PARP12: variants seen among roughly 807,000 people sequenced by gnomAD.
The protein encoded by PARP12 is protein mono-ADP-ribosyltransferase PARP12.
A neutral mutation model predicts 72.4 loss-of-function variants in PARP12; 59 were observed. That is an observed-to-expected ratio of 0.81 (90% CI 0.66 to 1.01). The LOEUF is 1.01. Ranked by LOEUF, PARP12 falls within the 50% of genes least tolerant of loss-of-function variation. PARP12 has a pLI of 0.00. For synonymous variants in PARP12, 403 were observed against 371.4 expected (o/e 1.09, Z -0.98); for missense variants, 851 against 914.0 (o/e 0.93, Z 0.89).
intron 8 of PARP12, among the ~76,000 whole-genome samples, chr7:140,032,305 G>A (rs927231591): frequency 4.0e-5 from 6 of 151,592 alleles, no homozygotes; most frequent in African/African-American, 1.5e-4. Flanking sequence ...TACTTCCTAC[G>A]ACTCTGACCT....
chr7:140,051,849 G>T (rs1816975002), intron 4 of PARP12, among the ~76,000 whole-genome samples: 1 of 152,210 alleles, frequency 6.6e-6, no homozygotes, highest in Non-Finnish European at 1.5e-5. Context: ...AGGACCCTCT[G>T]GTGAAGCTTT....
intron 6 of PARP12, among the ~76,000 whole-genome samples, chr7:140,038,752 C>G (rs994563697): frequency 1.3e-5 from 2 of 152,232 alleles, no homozygotes; most frequent in African/African-American, 4.8e-5. Flanking sequence ...GCTCCCCCTA[C>G]TGCTACCATC....
rs777117049 is a variant in PARP12, at chr7:140,037,817, C to T, written c.1222G>A (p.Val408Met). 55 of 1,613,736 alleles carry T rather than the reference C, an allele frequency of 3.4e-5. No individual in the cohort carries two copies. Among genetic ancestry groups the T allele is most frequent in the Non-Finnish European group, 4.2e-5 (50 of 1,179,704 alleles). ...HPVTTVSSSDVEKAYLAYCTP... is the reference protein window; with the variant it reads ...HPVTTVSSSDMEKAYLAYCTP... The stretch of plus-strand genomic sequence containing the variant: ...CAGTAGGCCAGGTAGGCCTTCTCCA[C>T]GTCGCTACTGCTGACAGTGGTCACA... Residue 408 changes from valine to methionine, a missense_variant, in exon 7 of 12, where the codon GTG (valine) becomes ATG (methionine). Transcript: ENST00000263549.
At chr7:140,042,425 C>T (rs1429930080) in intron 5 of PARP12, among the ~76,000 whole-genome samples, 1 of 152,200 alleles carries the variant, frequency 6.6e-6, no homozygotes, top group Non-Finnish European at 1.5e-5. Context: ...TTTCTAAACG[C>T]AGTACTGCCT....
chr7:140,028,511 C>T, intron 9 of PARP12, 102 bp downstream of exon 9: 1 of 1,062,906 alleles, frequency 9.4e-7, no homozygotes, highest in Admixed American at 3.2e-5. Context: ...TTAGCCCCAG[C>T]CTTACAGCTT....
chr7:140,025,323 C>T (rs1306300186), intron 11 of PARP12: 3 of 287,916 alleles, frequency 1.0e-5, no homozygotes. Context: ...GAATTATGAG[C>T]CTTGTCAAAT....
At position 140,054,746 on chromosome 7, in the gene PARP12, C is replaced by A. The variant is rs751103871; in HGVS notation, c.778G>T (p.Gly260Cys). ...QGTSERKDSS[G>C]SVSPNTLSQE... The stretch of plus-strand genomic sequence containing the variant: ...CTAAGAGTGTTTGGGGACACAGAAC[C>A]TGAACTGTCTTTTCTTTCTGCAAAG... The change falls in exon 4 of 12, where the codon GGT becomes TGT. Residue 260 changes from glycine to cysteine, a missense_variant. By Grantham distance (159) the Gly-to-Cys change is radical (BLOSUM62 -3). Transcript: ENST00000263549. The A allele has an allele frequency of 2.5e-6, 4 of 1,613,486 alleles. No homozygotes were observed. In the Admixed American group the frequency reaches 5.0e-5, roughly 20 times the overall value.
chr7:140,026,196 C>A lies in PARP12; in HGVS notation c.1780+1G>T, dbSNP rs769970292. The A allele has an allele frequency of 1.9e-6, 3 of 1,614,058 alleles. No individual in the cohort carries two copies. The highest frequency in any genetic ancestry group is 2.5e-6 in the Non-Finnish European group (3 of 1,180,048). ...GCTGGTGGAGGCCAGTCATGCCTTA[C>A]CCTTGCCGTAGGAAGTGCCATGAAC... is the stretch of plus-strand genomic sequence containing the variant. On this transcript the variant is annotated splice_donor_variant, in intron 11 of 11. Coordinates refer to ENST00000263549, the MANE Select transcript of PARP12 (RefSeq NM_022750.4). LOFTEE classifies it high-confidence loss of function.
rs1298823442 is a variant in PARP12, at chr7:140,062,603, T to C, written c.245A>G (p.Lys82Arg). 1 of 1,520,486 alleles carries C rather than the reference T, an allele frequency of 6.6e-7. No homozygotes were observed. Among genetic ancestry groups the C allele is most frequent in the Non-Finnish European group, 8.8e-7 (1 of 1,138,474 alleles). The allele number at this position is 1,520,486 out of a possible 1,614,324, so 94.2% of individuals were successfully genotyped here. A position where few individuals can be genotyped will look rare whatever the true frequency, so the allele number is the denominator to read the frequency against. The change falls in exon 1 of 12, where the codon AAG becomes AGG. Residue 82 changes from lysine to arginine, a missense_variant. By Grantham distance (26) the Lys-to-Arg change is conservative. This residue lies in a region of PARP12 where 492 missense variants were observed against 489.3 expected (regional missense o/e 1.01). Transcript: ENST00000263549. ...LRLCRAHQGS[K>R]PGCVGLCAQL... ...CGCGCAGAGCCCCACGCAGCCCGGC[T>C]TGGAGCCCTGGTGCGCGCGACACAG... is the stretch of plus-strand genomic sequence containing the variant.
intron 4 of PARP12, among the ~76,000 whole-genome samples, 188 bp downstream of exon 4, chr7:140,054,474 C>CA (rs1401999829): frequency 2.0e-5 from 3 of 152,202 alleles, no homozygotes; most frequent in African/African-American, 7.2e-5. Flanking sequence ...TCTGAAAACT[C>CA]AAAGAATTGC....
chr7:140,025,038 T>C (rs1815679728), intron 11 of PARP12, among the ~76,000 whole-genome samples, 153 bp from the exon 12 acceptor site: 1 of 152,080 alleles, frequency 6.6e-6, no homozygotes, highest in Non-Finnish European at 1.5e-5. Flanking sequence ...GTCTCCACTC[T>C]CCCTCATGAA....
At chr7:140,028,072 G>A (rs1354177863) in intron 9 of PARP12, among the ~76,000 whole-genome samples, 1 of 152,200 alleles carries the variant, frequency 6.6e-6, no homozygotes, top group African/African-American at 2.4e-5. Context: ...CGGCCAGCTG[G>A]CAGACATCAG....
rs1263621911 is a variant in PARP12 at position 140,024,334 on chromosome 7, G to A, written c.*226C>T. 3.5e-6 allele frequency: 2 copies of A among 566,576 alleles called. No homozygotes were observed. Among genetic ancestry groups the A allele is most frequent in the Non-Finnish European group, 3.1e-6 (1 of 320,684 alleles). 35.1% of individuals were successfully genotyped at this position (566,576 alleles called of 1,614,324 possible). ...TAAAACTTCAACACATTATTAAAAA[G>A]CAAAACTGGACTCAACTACAATCAC... On this transcript the variant is annotated 3_prime_UTR_variant, in exon 12 of 12. Transcript: ENST00000263549.
chr7:140,040,216 TC>T (rs957367194), intron 6 of PARP12, among the ~76,000 whole-genome samples: 54 of 152,096 alleles, frequency 3.6e-4, no homozygotes, highest in Admixed American at 3.2e-3. Context: ...AGTCATCCTC[TC>T]CCCCTCCTCC....
At chr7:140,046,806 G>GTGTGTGTGTGTGTGTGTT in intron 5 of PARP12, 78 bp downstream of exon 5, 1 of 1,293,650 alleles carries the variant, frequency 7.7e-7, no homozygotes, top group Non-Finnish European at 1.1e-6. Flanking sequence ...CACAGTGTGT[G>GTGTGTGTGTGTGTGTGTT]TGTGTGTGTG....
intron 1 of PARP12, among the ~76,000 whole-genome samples, chr7:140,061,419 G>A (rs533236257): frequency 6.6e-6 from 1 of 152,238 alleles, no homozygotes. Context: ...GGCCTGACAT[G>A]AGCAAGAAAT....
At chr7:140,053,135 T>G (rs1817030890) in intron 4 of PARP12, among the ~76,000 whole-genome samples, 1 of 152,138 alleles carries the variant, frequency 6.6e-6, no homozygotes, top group African/African-American at 2.4e-5. Flanking sequence ...ACATGAAAAC[T>G]TATACATAAA....
intron 6 of PARP12, among the ~76,000 whole-genome samples, chr7:140,039,670 G>C (rs1816374477): frequency 6.6e-6 from 1 of 152,150 alleles, no homozygotes; most frequent in African/African-American, 2.4e-5. Context: ...TGGGAATCAA[G>C]AGAAAACTGT....
Position 140,033,232 on chromosome 7 carries a change from CA to C in PARP12, c.1421+1002del, listed in dbSNP as rs370288404. 10 of 985,434 alleles carry C rather than the reference CA, an allele frequency of 1.0e-5. 1 individual carries two copies. The highest frequency in any genetic ancestry group is 5.2e-4 in the Middle Eastern group (1 of 1,914). The allele number at this position is 985,434 out of a possible 1,614,324, so 61.0% of individuals were successfully genotyped here. On this transcript the variant is annotated intron_variant, in intron 8 of 11. Transcript: ENST00000263549. ...AATTTAAAAAGGAAAAAGTAAGGCACATTCCCAGGAAATTACTTTGCTAGGT... is the reference window on the plus strand; with the variant it reads ...AATTTAAAAAGGAAAAAGTAAGGCACTTCCCAGGAAATTACTTTGCTAGGT...
Sources: gnomAD v4.1 joint callset for allele counts (sites outside exome capture counted in the v4.1 genomes callset) on GRCh38, gnomAD v4.1.1 for gene constraint, gnomAD v4.1.1 regional missense constraint, MANE v1.5 for transcripts, NCBI Gene and HGNC (gene_info 2026-07-23, HGNC 2026-07-21) for gene names.